PRR29: variants seen among roughly 807,000 people sequenced by gnomAD.
PRR29 encodes the protein proline-rich protein 29.
A neutral mutation model predicts 25.1 loss-of-function variants in PRR29; 20 were observed. The observed-to-expected ratio is 0.80, with a 90% CI of 0.56 to 1.16. The LOEUF is 1.16. Among genes scored for constraint, PRR29 ranks in the 50% most tolerant of loss-of-function variants. The probability of loss-of-function intolerance (pLI) is 0.00; values close to 1 mark genes in which losing one functional copy is unlikely to be tolerated. For synonymous variants in PRR29, 108 were observed against 102.6 expected (o/e 1.05, Z -0.32); for missense variants, 238 against 246.6 (o/e 0.97, Z 0.23).
Position 64,002,746 on chromosome 17 carries a change from G to A in PRR29, c.*985G>A. 1.2e-6 allele frequency: 2 copies of A among 1,610,414 alleles called. No individual in the cohort carries two copies. The highest frequency in any genetic ancestry group is 1.1e-5 in the South Asian group (1 of 90,890). On this transcript the variant is annotated 3_prime_UTR_variant, in exon 6 of 6. Transcript: ENST00000412177. ...GGTGGTGGCCATGCCACTCATGGTT[G>A]CTATGGCCGGAAGGCCTGGGGCAGC...
intron 3 of PRR29, among the ~76,000 whole-genome samples, chr17:64,000,655 T>C (rs920810359): frequency 2.7e-5 from 4 of 150,366 alleles, no homozygotes; most frequent in African/African-American, 7.3e-5. Flanking sequence ...TTTTTTTTTT[T>C]CCTTTTTTTT....
chr17:63,998,544 G>T (rs1001480069), intron 1 of PRR29, 120 bp downstream of exon 1: 1 of 1,237,272 alleles, frequency 8.1e-7, no homozygotes, highest in Non-Finnish European at 1.1e-6. Flanking sequence ...GCCCCAAACC[G>T]AGAGGAAGAG....
chr17:64,000,887 C>T lies in PRR29; in HGVS notation c.244-197C>T, dbSNP rs1249838715. The T allele has an allele frequency of 1.6e-5, 9 of 569,582 alleles. No individual in the cohort carries two copies. In the South Asian group the frequency reaches 1.6e-4, roughly 10 times the overall value. The allele number at this position is 569,582 out of a possible 1,614,324, so 35.3% of individuals were successfully genotyped here. On this transcript the variant is annotated intron_variant, in intron 3 of 5. Transcript: ENST00000412177. The stretch of plus-strand genomic sequence containing the variant: ...TTCACCGTGTTAGCCAGGATGGTCT[C>T]AATCTCCTGACCTTGTGATCCGCCC...
chr17:63,998,984 G>A lies in PRR29; in HGVS notation c.153G>A (p.Met51Ile), dbSNP rs1399239072. The change falls in exon 3 of 6, where the codon ATG (methionine) becomes ATA (isoleucine). Residue 51 changes from methionine (M) to isoleucine (I), a missense_variant. Met to Ile is a conservative substitution (Grantham distance 10). Coordinates refer to ENST00000412177, the MANE Select transcript of PRR29 (RefSeq NM_001164257.2). ...GCTTCCTAGACCTGCTGGAACTGAT[G>A]ATGCTGCAGAACGCGCAGATGCACC... ...GRVKEDLLEL[M>I]MLQNAQMHQL... 1.3e-6 allele frequency: 2 copies of A among 1,536,174 alleles called. No homozygotes were observed. Among genetic ancestry groups the A allele is most frequent in the East Asian group, 2.4e-5 (1 of 40,912 alleles).
rs1910842584 is a variant in PRR29 at position 64,002,496 on chromosome 17, A to G, written c.*735A>G. On this transcript the variant is annotated 3_prime_UTR_variant, in exon 6 of 6. Transcript: ENST00000412177. Reference sequence around the variant, plus strand: ...ATGGGCTGGGAGGCCCCTGTGAAGGAGAGGGTGGGGAGGGAGGCATCTAGG... The same window carrying G: ...ATGGGCTGGGAGGCCCCTGTGAAGGGGAGGGTGGGGAGGGAGGCATCTAGG... 1 of 522,936 alleles carries G rather than the reference A, an allele frequency of 1.9e-6. No homozygotes were observed. Among genetic ancestry groups the G allele is most frequent in the African/African-American group, 1.9e-5 (1 of 52,546 alleles). The allele number at this position is 522,936 out of a possible 1,614,324, so 32.4% of individuals were successfully genotyped here.
chr17:64,002,987 G>C lies in PRR29; in HGVS notation c.*1226G>C, dbSNP rs1438933572. On this transcript the variant is annotated 3_prime_UTR_variant, in exon 6 of 6. Coordinates refer to ENST00000412177, the MANE Select transcript of PRR29 (RefSeq NM_001164257.2). ...TGATCCCAGTTACCAGGGACCAAAA[G>C]GGAGTGGAAGTCCACCCCCAACCCA... is the stretch of plus-strand genomic sequence containing the variant. The C allele has an allele frequency of 2.6e-6, 4 of 1,512,546 alleles. No homozygotes were observed. Among genetic ancestry groups the C allele is most frequent in the Non-Finnish European group, 3.6e-6 (4 of 1,107,492 alleles). The allele number at this position is 1,512,546 out of a possible 1,614,324, so 93.7% of individuals were successfully genotyped here.
intron 3 of PRR29, chr17:64,000,763 C>T (rs1027775651): frequency 1.2e-5 from 4 of 320,772 alleles, no homozygotes; most frequent in Non-Finnish European, 2.4e-5. Context: ...CGCCATTCTC[C>T]TGCCTCAGCC....
chr17:64,003,646 T>C lies in PRR29; in HGVS notation c.*1885T>C. The C allele has an allele frequency of 2.5e-6, 4 of 1,612,340 alleles. No individual in the cohort carries two copies. Among genetic ancestry groups the C allele is most frequent in the Middle Eastern group, 3.3e-4 (2 of 6,056 alleles). ...TCCATCCACGGATCCCCCCTCACCA[T>C]AGATCTCCAACATCTTCGGGGCTGA... is the stretch of plus-strand genomic sequence containing the variant. On this transcript the variant is annotated 3_prime_UTR_variant, in exon 6 of 6. Coordinates refer to ENST00000412177, the MANE Select transcript of PRR29 (RefSeq NM_001164257.2).
Position 64,002,979 on chromosome 17 carries a change from G to T in PRR29, c.*1218G>T. On this transcript the variant is annotated 3_prime_UTR_variant, in exon 6 of 6. Coordinates refer to ENST00000412177, the MANE Select transcript of PRR29 (RefSeq NM_001164257.2). ...ACGTCCTGTGATCCCAGTTACCAGGGACCAAAAGGGAGTGGAAGTCCACCC... is the reference window on the plus strand; with the variant it reads ...ACGTCCTGTGATCCCAGTTACCAGGTACCAAAAGGGAGTGGAAGTCCACCC... 6.5e-7 allele frequency: 1 copy of T among 1,543,614 alleles called. No homozygotes were observed. The highest frequency in any genetic ancestry group is 1.2e-5 in the South Asian group (1 of 85,068).
At position 63,998,414 on chromosome 17, in the gene PRR29, C is replaced by A; in HGVS notation, c.50C>A (p.Ala17Glu). Residue 17 changes from alanine to glutamate, a missense_variant, in exon 1 of 6, where the codon GCA (alanine) becomes GAA (glutamate). Transcript: ENST00000412177. Reference protein sequence around the residue: ...GSWGRSPPQSAVPTPWVTFLQ... With the variant: ...GSWGRSPPQSEVPTPWVTFLQ... ...TGGGGTCGCTCCCCACCGCAGAGCG[C>A]AGTCCCGACGGTGAGGGCTGAGCCC... is the stretch of plus-strand genomic sequence containing the variant. 1 of 1,498,746 alleles carries A rather than the reference C, an allele frequency of 6.7e-7. No individual in the cohort carries two copies. The highest frequency in any genetic ancestry group is 8.9e-7 in the Non-Finnish European group (1 of 1,127,850). The allele number at this position is 1,498,746 out of a possible 1,614,324, so 92.8% of individuals were successfully genotyped here. A position where few individuals can be genotyped will look rare whatever the true frequency, so the allele number is the denominator to read the frequency against.
At chr17:63,999,822 TGCGTGCAC>T (rs1910484224) in intron 3 of PRR29, 1 of 153,898 alleles carries the variant, frequency 6.5e-6, no homozygotes, top group Non-Finnish European at 1.4e-5. Flanking sequence ...TGCAAGGGTG[TGCGTGCAC>T]GTGTGTGCGA....
At chr17:63,998,494 A>G in intron 1 of PRR29, 70 bp downstream of exon 1, 2 of 1,410,268 alleles carry the variant, frequency 1.4e-6, no homozygotes, top group Non-Finnish European at 1.9e-6. Context: ...CTGTCCCTGG[A>G]GGGGCCAGAT....
rs1306586126 is a variant in PRR29 at position 64,003,981 on chromosome 17, AG to A, written c.*2223del. The A allele has an allele frequency of 6.3e-7, 1 of 1,588,058 alleles. No individual in the cohort carries two copies. The highest frequency in any genetic ancestry group is 8.6e-7 in the Non-Finnish European group (1 of 1,166,446). Reference sequence around the variant, plus strand: ...TTGGAGGCTCTGCAGGGGACAAAGGAGGGAGGTCTGGTCAGGATGGGGGTGC... The same window carrying A: ...TTGGAGGCTCTGCAGGGGACAAAGGAGGAGGTCTGGTCAGGATGGGGGTGC... On this transcript the variant is annotated 3_prime_UTR_variant, in exon 6 of 6. Coordinates refer to ENST00000412177, the MANE Select transcript of PRR29 (RefSeq NM_001164257.2).
rs1443591541 is a variant in PRR29, at chr17:64,001,540, A to G, written c.541+3A>G. 4.0e-6 allele frequency: 6 copies of G among 1,516,988 alleles called. No homozygotes were observed. The highest frequency in any genetic ancestry group is 5.3e-6 in the Non-Finnish European group (6 of 1,138,554). The allele number at this position is 1,516,988 out of a possible 1,614,324, so 94.0% of individuals were successfully genotyped here. On this transcript the variant is annotated splice_donor_region_variant and intron_variant, in intron 5 of 5. Transcript: ENST00000412177. ...TGCTGATGTACCCCCGGCTTCAGGTAGGGCTGGGGTGGTGGGCAGCGGGGC... is the reference window on the plus strand; with the variant it reads ...TGCTGATGTACCCCCGGCTTCAGGTGGGGCTGGGGTGGTGGGCAGCGGGGC...
chr17:64,002,073 C>T lies in PRR29; in HGVS notation c.*312C>T. ...AGCAGGGGGAGGCCTGGGAACAGAG[C>T]CCCCACCCTCTCTCCCTCACCCCTC... On this transcript the variant is annotated 3_prime_UTR_variant, in exon 6 of 6. Coordinates refer to ENST00000412177, the MANE Select transcript of PRR29 (RefSeq NM_001164257.2). 1 of 1,329,302 alleles carries T rather than the reference C, an allele frequency of 7.5e-7. No individual in the cohort carries two copies. The highest frequency in any genetic ancestry group is 1.0e-6 in the Non-Finnish European group (1 of 978,302). The allele number at this position is 1,329,302 out of a possible 1,614,324, so 82.3% of individuals were successfully genotyped here.
chr17:63,998,610 G>A, intron 1 of PRR29, 97 bp from the exon 2 acceptor site: 3 of 1,021,002 alleles, frequency 2.9e-6, no homozygotes, highest in South Asian at 3.0e-5. Flanking sequence ...TGGCCCCTGC[G>A]GGGTTAGGGA....
At chr17:64,001,425 C>G in intron 4 of PRR29, 42 bp from the exon 5 acceptor site, 1 of 1,488,108 alleles carries the variant, frequency 6.7e-7, no homozygotes. Context: ...AGAGGCCACC[C>G]CTGGGCCTCT....
intron 2 of PRR29, 31 bp downstream of exon 2, chr17:63,998,813 C>A: frequency 1.8e-6 from 2 of 1,111,246 alleles, no homozygotes; most frequent in South Asian, 1.3e-5. Flanking sequence ...CACCCCACCC[C>A]CACCATCACC....
Position 64,002,452 on chromosome 17 carries a change from C to T in PRR29, c.*691C>T, listed in dbSNP as rs1910839085. 4 of 470,246 alleles carry T rather than the reference C, an allele frequency of 8.5e-6. No individual in the cohort carries two copies. The highest frequency in any genetic ancestry group is 1.2e-5 in the Non-Finnish European group (3 of 257,294). The allele number at this position is 470,246 out of a possible 1,614,324, so 29.1% of individuals were successfully genotyped here. The stretch of plus-strand genomic sequence containing the variant: ...CCTCAGTAGCAATGAGCTACTCGGG[C>T]CAGATGGGGGCCTGTTGCATGGGCT... On this transcript the variant is annotated 3_prime_UTR_variant, in exon 6 of 6. Transcript: ENST00000412177.
Sources: allele counts gnomAD v4.1 joint callset (sites outside exome capture counted in the v4.1 genomes callset), GRCh38; gene constraint gnomAD v4.1.1; transcripts MANE v1.5; gene names NCBI Gene and HGNC (gene_info 2026-07-23, HGNC 2026-07-21).